Variants in PTPRO observed in about 807,000 individuals in gnomAD.
PTPRO encodes the protein receptor-type tyrosine-protein phosphatase O.
In PTPRO, 62 loss-of-function variants were observed where a neutral mutation model predicts 145.2. That is an observed-to-expected ratio of 0.43 (90% CI 0.35 to 0.53). PTPRO has a LOEUF of 0.53. Ranked by LOEUF, PTPRO falls within the 20% of genes least tolerant of loss-of-function variation. The pLI, the probability that PTPRO is intolerant of heterozygous loss-of-function variation, is 0.01. For missense variants in PTPRO, 1,345 were observed against 1,482.7 expected, an observed-to-expected ratio of 0.91 and a Z score of 1.53; for synonymous variants, 565 against 514.7, an observed-to-expected ratio of 1.10 and a Z score of -1.32.
chr12:15,382,015 T>A (rs1251415486), intron 1 of PTPRO, among the ~76,000 whole-genome samples: 1 of 151,888 alleles, frequency 6.6e-6, no homozygotes, highest in East Asian at 1.9e-4. Context: ...TATTTCTTAT[T>A]ATTTTTATAA....
intron 1 of PTPRO, among the ~76,000 whole-genome samples, chr12:15,406,831 T>A (rs1373862666): frequency 6.6e-6 from 1 of 152,170 alleles, no homozygotes; most frequent in Non-Finnish European, 1.5e-5. Flanking sequence ...CATAACAAGA[T>A]AAACTAAAAA....
chr12:15,383,007 C>T (rs1938912103), intron 1 of PTPRO, among the ~76,000 whole-genome samples: 1 of 152,132 alleles, frequency 6.6e-6, no homozygotes, highest in African/African-American at 2.4e-5. Context: ...TTAAAATATA[C>T]AATACAATAT....
intron 1 of PTPRO, chr12:15,439,990 C>G: frequency 1.5e-6 from 1 of 683,838 alleles, no homozygotes; most frequent in Non-Finnish European, 2.7e-6. Context: ...GGGCCATCAT[C>G]CTGGCCAAGC....
chr12:15,375,916 G>A (rs1375839779), intron 1 of PTPRO, among the ~76,000 whole-genome samples: 1 of 152,110 alleles, frequency 6.6e-6, no homozygotes, highest in Non-Finnish European at 1.5e-5. Context: ...AAAGGTTAGT[G>A]AACTTTAAGA....
At chr12:15,561,596 T>A (rs1018208829) in intron 17 of PTPRO, among the ~76,000 whole-genome samples, 3 of 152,104 alleles carry the variant, frequency 2.0e-5, no homozygotes, top group Non-Finnish European at 4.4e-5. Context: ...GTATAGGGCT[T>A]CAGCACAGTC....
intron 1 of PTPRO, among the ~76,000 whole-genome samples, chr12:15,455,778 T>A (rs561178559): frequency 6.6e-6 from 1 of 152,330 alleles, no homozygotes; most frequent in African/African-American, 2.4e-5. Flanking sequence ...GGGTTTTCTA[T>A]ATATCAGGTA....
At chr12:15,464,526 G>GT (rs61245440) in intron 1 of PTPRO, among the ~76,000 whole-genome samples, 1,542 of 148,166 alleles carry the variant, frequency 0.01, 34 homozygotes, top group African/African-American at 0.033. Context: ...AGCTAATTTT[G>GT]TTTTTTTTTT....
intron 1 of PTPRO, chr12:15,439,575 C>T (rs1940699169): frequency 3.6e-6 from 1 of 274,268 alleles, no homozygotes; most frequent in East Asian, 1.1e-4. Context: ...ACTCGGGGGC[C>T]CTGGGATGGG....
intron 1 of PTPRO, among the ~76,000 whole-genome samples, chr12:15,361,017 A>G (rs977964847): frequency 6.7e-6 from 1 of 149,676 alleles, no homozygotes; most frequent in Admixed American, 6.7e-5. Context: ...TAACTTATAA[A>G]CATATAGGTA....
chr12:15,374,808 G>T (rs1420125201), intron 1 of PTPRO, among the ~76,000 whole-genome samples: 1 of 152,120 alleles, frequency 6.6e-6, no homozygotes, highest in Non-Finnish European at 1.5e-5. Context: ...TATCCATAGA[G>T]GTCTTTGTAA....
chr12:15,374,564 T>C (rs1395529938), intron 1 of PTPRO, among the ~76,000 whole-genome samples: 2 of 152,162 alleles, frequency 1.3e-5, no homozygotes, highest in Non-Finnish European at 2.9e-5. Context: ...ACTCCTCAAA[T>C]AGTAGCATCC....
chr12:15,439,649 C>T, intron 1 of PTPRO: 1 of 401,450 alleles, frequency 2.5e-6, no homozygotes, highest in Non-Finnish European at 4.9e-6. Flanking sequence ...CAGCCATGGA[C>T]AGAGCTGGGG....
At chr12:15,563,678 C>T (rs780727927) in intron 17 of PTPRO, among the ~76,000 whole-genome samples, 2 of 152,212 alleles carry the variant, frequency 1.3e-5, no homozygotes, top group Admixed American at 6.6e-5. Flanking sequence ...ATGTGTCTCT[C>T]CTCCATGAAT....
intron 1 of PTPRO, among the ~76,000 whole-genome samples, chr12:15,375,910 G>T (rs955583987): frequency 1.3e-5 from 2 of 152,074 alleles, no homozygotes; most frequent in Non-Finnish European, 1.5e-5. Flanking sequence ...AGAAAGAAAG[G>T]TTAGTGAACT....
At chr12:15,413,660 C>T (rs1232377731) in intron 1 of PTPRO, among the ~76,000 whole-genome samples, 6 of 151,846 alleles carry the variant, frequency 4.0e-5, no homozygotes, top group African/African-American at 7.3e-5. Context: ...ACTAAAAATA[C>T]GAAAATTAGC....
intron 6 of PTPRO, among the ~76,000 whole-genome samples, chr12:15,508,342 A>G (rs145978269): frequency 4.1e-4 from 62 of 152,264 alleles, no homozygotes; most frequent in Non-Finnish European, 7.2e-4. Flanking sequence ...TTGAAGTGGC[A>G]CTTTTGTTTC....
intron 17 of PTPRO, among the ~76,000 whole-genome samples, chr12:15,563,398 G>T (rs528567644): frequency 6.6e-6 from 1 of 152,170 alleles, no homozygotes; most frequent in East Asian, 1.9e-4. Flanking sequence ...CCTGGTTTTA[G>T]TCTCGGAATT....
intron 1 of PTPRO, among the ~76,000 whole-genome samples, chr12:15,409,246 T>G (rs1472156717): frequency 6.6e-6 from 1 of 152,164 alleles, no homozygotes; most frequent in East Asian, 1.9e-4. Context: ...CCCAAGGTGT[T>G]GCAACTTTGA....
chr12:15,429,535 G>T (rs1863093931), intron 1 of PTPRO, among the ~76,000 whole-genome samples: 1 of 152,098 alleles, frequency 6.6e-6, no homozygotes, highest in Admixed American at 6.6e-5. Context: ...ATGTCACAGG[G>T]AAAAGAATAA....
Sources: allele counts gnomAD v4.1 joint callset (sites outside exome capture counted in the v4.1 genomes callset), GRCh38; gene constraint gnomAD v4.1.1; transcripts MANE v1.5; gene names NCBI Gene and HGNC (gene_info 2026-07-23, HGNC 2026-07-21).